EEFSEC: variants seen among roughly 807,000 people sequenced by gnomAD.
EEFSEC encodes selenocysteine-specific elongation factor.
A neutral mutation model predicts 42.1 loss-of-function variants in EEFSEC; 43 were observed. The ratio of observed to expected loss-of-function variants is 1.02; its 90% CI spans 0.80 to 1.32. The LOEUF is 1.32. Among genes scored for constraint, EEFSEC ranks in the 40% most tolerant of loss-of-function variants. The pLI, the probability that EEFSEC is intolerant of heterozygous loss-of-function variation, is 0.00. For synonymous variants in EEFSEC, 354 were observed against 339.1 expected (o/e 1.04, Z -0.48); for missense variants, 745 against 803.6 (o/e 0.93, Z 0.88).
At chr3:128,412,051 G>A (rs2068177666), downstream of EEFSEC, among the ~76,000 whole-genome samples, 3 of 152,230 alleles carry the variant, frequency 2.0e-5, no homozygotes, top group African/African-American at 7.2e-5. Flanking sequence ...GGAGTGGGGT[G>A]AAGGAGGATC....
chr3:128,267,733 C>T (rs547891655), intron 4 of EEFSEC, among the ~76,000 whole-genome samples: 1 of 152,316 alleles, frequency 6.6e-6, no homozygotes, highest in East Asian at 1.9e-4. Context: ...GCCTGGACAA[C>T]CTTCTGTTGA....
Position 128,171,832 on chromosome 3 carries a change from TA to T in EEFSEC, c.316+18023del, listed in dbSNP as rs34603135. On this transcript the variant is annotated intron_variant, in intron 1 of 6. Coordinates refer to ENST00000254730, the MANE Select transcript of EEFSEC (RefSeq NM_021937.5). ...TCAACCAATTGAAGATTGAAAATATTAAAAAAAAAAAAAATGAAAACAACAA... is the reference window on the plus strand; with the variant it reads ...TCAACCAATTGAAGATTGAAAATATTAAAAAAAAAAAAATGAAAACAACAA... Among the ~76,000 whole-genome samples the T allele has an allele frequency of 1.2e-3, 168 of 142,138 alleles. 1 individual carries two copies. The highest frequency in any genetic ancestry group is 4.4e-3 in the South Asian group (20 of 4,522). The allele number at this position is 142,138 out of a possible 152,430, so 93.2% of individuals were successfully genotyped here.
chr3:128,183,912 GTGACTGTGAAAACATGCTTTTTGCAT>G (rs1419668053), intron 1 of EEFSEC, among the ~76,000 whole-genome samples: 2 of 152,198 alleles, frequency 1.3e-5, no homozygotes, highest in African/African-American at 4.8e-5. Context: ...GAGGTTTAGT[GTGACTGTGAAAACATGCTTTTTGCAT>G]TGCCTGAGAG....
At chr3:128,319,652 G>T (rs1240650040) in intron 4 of EEFSEC, among the ~76,000 whole-genome samples, 1 of 152,182 alleles carries the variant, frequency 6.6e-6, no homozygotes, top group Non-Finnish European at 1.5e-5. Flanking sequence ...GACCAACCAG[G>T]GGTTTCCATG....
At chr3:128,244,818 C>G (rs1337257035) in intron 1 of EEFSEC, among the ~76,000 whole-genome samples, 1 of 152,210 alleles carries the variant, frequency 6.6e-6, no homozygotes, top group Admixed American at 6.5e-5. Flanking sequence ...CTTTTCAACA[C>G]AAATCACACT....
rs2107643168 is a variant in EEFSEC, at chr3:128,408,354, C to G, written c.*95C>G. ...GCCACGCCTCAGCCTCTCCCAGTCT[C>G]TCCCTGCAGTCCTGCAGCAGCAGCC... On this transcript the variant is annotated 3_prime_UTR_variant, in exon 7 of 7. Coordinates refer to ENST00000254730, the MANE Select transcript of EEFSEC (RefSeq NM_021937.5). The G allele has an allele frequency of 7.6e-7, 1 of 1,314,772 alleles. No individual in the cohort carries two copies. The highest frequency in any genetic ancestry group is 1.5e-5 in the South Asian group (1 of 67,656). 81.4% of individuals were successfully genotyped at this position (1,314,772 alleles called of 1,614,324 possible).
intron 1 of EEFSEC, among the ~76,000 whole-genome samples, chr3:128,181,747 CAT>C (rs2065408071): frequency 6.6e-6 from 1 of 152,190 alleles, no homozygotes; most frequent in African/African-American, 2.4e-5. Flanking sequence ...AGAAATGAAA[CAT>C]GAGCAATACA....
chr3:128,224,001 A>G (rs147341937), intron 1 of EEFSEC, among the ~76,000 whole-genome samples: 17 of 151,532 alleles, frequency 1.1e-4, no homozygotes, highest in Non-Finnish European at 2.2e-4. Flanking sequence ...AACATTTTCT[A>G]TTCTTTCCTG....
chr3:128,354,135 C>A (rs2067423395), intron 5 of EEFSEC, among the ~76,000 whole-genome samples: 1 of 152,108 alleles, frequency 6.6e-6, no homozygotes, highest in African/African-American at 2.4e-5. Context: ...AAGACGCCAG[C>A]ACTCTCGAGA....
intron 1 of EEFSEC, among the ~76,000 whole-genome samples, chr3:128,227,431 T>A (rs761329260): frequency 2.6e-5 from 4 of 152,146 alleles, no homozygotes; most frequent in Admixed American, 1.3e-4. Flanking sequence ...AAGCTCCTGA[T>A]GGGTTTGAGT....
At chr3:128,207,859 C>T (rs1174385439) in intron 1 of EEFSEC, among the ~76,000 whole-genome samples, 1 of 152,110 alleles carries the variant, frequency 6.6e-6, no homozygotes, top group Non-Finnish European at 1.5e-5. Flanking sequence ...GAGAGAGTTT[C>T]GACATTCATC....
At chr3:128,241,255 G>A (rs2107887521) in intron 1 of EEFSEC, among the ~76,000 whole-genome samples, 1 of 135,220 alleles carries the variant, frequency 7.4e-6, no homozygotes, top group East Asian at 2.3e-4. Flanking sequence ...CACCCAGGCT[G>A]GAGTACAGTG....
chr3:128,223,132 G>A (rs2065876966), intron 1 of EEFSEC, among the ~76,000 whole-genome samples: 1 of 152,148 alleles, frequency 6.6e-6, no homozygotes. Flanking sequence ...AAAAACTCTG[G>A]ACACTGAGGT....
At chr3:128,393,943 T>C (rs545098138) in intron 6 of EEFSEC, among the ~76,000 whole-genome samples, 4 of 134,622 alleles carry the variant, frequency 3.0e-5, no homozygotes, top group East Asian at 2.4e-4. Context: ...ACACGGCCAG[T>C]GGGTGACACG....
At chr3:128,332,815 G>A (rs1317719961) in intron 4 of EEFSEC, among the ~76,000 whole-genome samples, 1 of 152,204 alleles carries the variant, frequency 6.6e-6, no homozygotes, top group Admixed American at 6.5e-5. Flanking sequence ...CTTGTTGTGT[G>A]TGAGATGTGA....
At chr3:128,341,157 A>C (rs2067245535) in intron 4 of EEFSEC, 76 bp from the exon 5 acceptor site, 1 of 1,505,924 alleles carries the variant, frequency 6.6e-7, no homozygotes, top group Non-Finnish European at 8.9e-7. Flanking sequence ...AGGATTCTCT[A>C]GCTGCAGCTC....
At chr3:128,250,146 G>A (rs1264926779) in intron 2 of EEFSEC, among the ~76,000 whole-genome samples, 4 of 152,040 alleles carry the variant, frequency 2.6e-5, no homozygotes, top group Admixed American at 6.6e-5. Flanking sequence ...TATGTATTCT[G>A]GACATTAATC....
chr3:128,402,090 A>G (rs2068054870), intron 6 of EEFSEC, among the ~76,000 whole-genome samples: 1 of 152,180 alleles, frequency 6.6e-6, no homozygotes, highest in Non-Finnish European at 1.5e-5. Context: ...TGGATGCCGG[A>G]GGCCACAGTG....
At chr3:128,172,527 G>C (rs1159898910) in intron 1 of EEFSEC, among the ~76,000 whole-genome samples, 3 of 152,158 alleles carry the variant, frequency 2.0e-5, no homozygotes, top group African/African-American at 7.2e-5. Context: ...TCAAACTCCT[G>C]GGCTCAAGTG....
Sources: allele counts gnomAD v4.1 joint callset (sites outside exome capture counted in the v4.1 genomes callset), GRCh38; gene constraint gnomAD v4.1.1; transcripts MANE v1.5; gene names NCBI Gene and HGNC (gene_info 2026-07-23, HGNC 2026-07-21).